CACNB2: variants seen among roughly 807,000 people sequenced by gnomAD.
CACNB2 encodes the protein voltage-dependent L-type calcium channel subunit beta-2.
A neutral mutation model predicts 73.3 loss-of-function variants in CACNB2; 42 were observed. That is an observed-to-expected ratio of 0.57 (90% CI 0.45 to 0.74). The LOEUF (loss-of-function observed/expected upper bound fraction) is 0.74. CACNB2 is among the 30% of genes least tolerant of loss of function. The probability of loss-of-function intolerance (pLI) is 0.00; values close to 1 mark genes in which losing one functional copy is unlikely to be tolerated. For synonymous variants in CACNB2, 348 were observed against 310.3 expected (o/e 1.12, Z -1.28); for missense variants, 940 against 853.0 (o/e 1.10, Z -1.27).
chr10:18,532,330 AAT>A (rs1369699257), intron 10 of CACNB2, among the ~76,000 whole-genome samples: 2 of 152,136 alleles, frequency 1.3e-5, no homozygotes, highest in Non-Finnish European at 2.9e-5. Flanking sequence ...TAATATAAAT[AAT>A]ATCCATATAT....
At chr10:18,181,929 C>G (rs987281814) in intron 2 of CACNB2, 1 of 152,000 alleles carries the variant, frequency 6.6e-6, no homozygotes, top group South Asian at 2.1e-4. Context: ...GCCTTGAGGT[C>G]AACTTTAAAC....
chr10:18,164,450 A>G (rs1041532974), intron 2 of CACNB2, among the ~76,000 whole-genome samples: 2 of 152,080 alleles, frequency 1.3e-5, no homozygotes, highest in Non-Finnish European at 2.9e-5. Context: ...ATGAGTAATT[A>G]CCCTCTTTTG....
At chr10:18,197,161 G>A (rs1173993248) in intron 2 of CACNB2, among the ~76,000 whole-genome samples, 3 of 152,090 alleles carry the variant, frequency 2.0e-5, no homozygotes, top group African/African-American at 7.2e-5. Context: ...CTCTTTGATG[G>A]CAGGCCTGTG....
intron 13 of CACNB2, among the ~76,000 whole-genome samples, 190 bp downstream of exon 13, chr10:18,538,555 A>G (rs555293497): frequency 1.3e-5 from 2 of 152,260 alleles, no homozygotes; most frequent in African/African-American, 4.8e-5. Flanking sequence ...TATATTGGGA[A>G]CATACACAGA....
chr10:18,348,379 G>A (rs2132118364), intron 2 of CACNB2, among the ~76,000 whole-genome samples: 1 of 152,312 alleles, frequency 6.6e-6, no homozygotes, highest in African/African-American at 2.4e-5. Flanking sequence ...AGATACATAT[G>A]TTTGGCACTG....
chr10:18,532,737 C>T (rs1356247935), intron 10 of CACNB2, among the ~76,000 whole-genome samples: 1 of 149,750 alleles, frequency 6.7e-6, no homozygotes, highest in African/African-American at 2.5e-5. Flanking sequence ...CAAAAAAACC[C>T]ACATATTAAA....
intron 3 of CACNB2, among the ~76,000 whole-genome samples, chr10:18,457,239 C>A (rs934349469): frequency 6.6e-6 from 1 of 152,048 alleles, no homozygotes; most frequent in Non-Finnish European, 1.5e-5. Context: ...TACAGACATG[C>A]GCCACCACAA....
At chr10:18,511,549 T>C (rs897224322) in intron 6 of CACNB2, among the ~76,000 whole-genome samples, 1 of 152,238 alleles carries the variant, frequency 6.6e-6, no homozygotes, top group African/African-American at 2.4e-5. Context: ...TTGTCTGTTA[T>C]TTCAAACTGG....
At chr10:18,423,034 A>G (rs1050862427) in intron 3 of CACNB2, among the ~76,000 whole-genome samples, 1 of 152,224 alleles carries the variant, frequency 6.6e-6, no homozygotes, top group Non-Finnish European at 1.5e-5. Flanking sequence ...GAGGCATAAT[A>G]AATATGTGTG....
intron 2 of CACNB2, among the ~76,000 whole-genome samples, chr10:18,290,804 A>G (rs976544225): frequency 6.6e-6 from 1 of 152,248 alleles, no homozygotes; most frequent in African/African-American, 2.4e-5. Flanking sequence ...ATCCGATTTC[A>G]TCAACTCACA....
intron 9 of CACNB2, among the ~76,000 whole-genome samples, chr10:18,521,679 T>A (rs1337887371): frequency 6.6e-6 from 1 of 152,216 alleles, no homozygotes; most frequent in Non-Finnish European, 1.5e-5. Context: ...ATGGGTGCCA[T>A]CATTGAATGT....
At chr10:18,358,621 C>T (rs2042027731) in intron 2 of CACNB2, among the ~76,000 whole-genome samples, 2 of 148,200 alleles carry the variant, frequency 1.3e-5, no homozygotes, top group African/African-American at 2.5e-5. Flanking sequence ...TATACAGGTA[C>T]AAGGTGGCTG....
Position 18,205,001 on chromosome 10 carries a change from C to T in CACNB2, c.213+54026C>T, listed in dbSNP as rs1310673186. ...GAAAAAAAAAAAAAAAAAGGTCTGG[C>T]TTTCATGCCCAAGACTCTATATTCC... On this transcript the variant is annotated intron_variant, in intron 2 of 13. Coordinates refer to ENST00000324631, the MANE Select transcript of CACNB2 (RefSeq NM_201596.3). 3.4e-5 allele frequency among the ~76,000 whole-genome samples: 5 copies of T among 146,090 alleles called. No individual in the cohort carries two copies. In the East Asian group the frequency reaches 7.9e-4, roughly 23 times the overall value.
intron 3 of CACNB2, among the ~76,000 whole-genome samples, chr10:18,409,683 T>C (rs1321172127): frequency 1.3e-5 from 2 of 152,142 alleles, no homozygotes; most frequent in African/African-American, 4.8e-5. Context: ...CAGGTCATCT[T>C]GTATAGGGTA....
intron 2 of CACNB2, among the ~76,000 whole-genome samples, chr10:18,372,380 A>G (rs1050479356): frequency 1.3e-5 from 2 of 152,064 alleles, no homozygotes; most frequent in Non-Finnish European, 2.9e-5. Flanking sequence ...TAGTTTTTGT[A>G]TAAGGTATAA....
chr10:18,483,595 A>T (rs2048904803), intron 3 of CACNB2, among the ~76,000 whole-genome samples: 1 of 152,140 alleles, frequency 6.6e-6, no homozygotes, highest in Non-Finnish European at 1.5e-5. Context: ...ATGATGAAAT[A>T]AAATCGCTGA....
chr10:18,233,638 C>T lies in CACNB2; in HGVS notation c.213+82663C>T, dbSNP rs564285590. The stretch of plus-strand genomic sequence containing the variant: ...CAGCACTTTGAACATCTTTGTTGTT[C>T]GAAGAGCCAAGCAAATATTGAATAT... On this transcript the variant is annotated intron_variant, in intron 2 of 13. Coordinates refer to ENST00000324631, the MANE Select transcript of CACNB2 (RefSeq NM_201596.3). Among the ~76,000 whole-genome samples, 18 of 152,098 alleles carry T rather than the reference C, an allele frequency of 1.2e-4. No individual in the cohort carries two copies. The East Asian group carries it at 2.3e-3, about 20-fold the overall frequency.
At chr10:18,347,071 C>G (rs1383990506) in intron 2 of CACNB2, among the ~76,000 whole-genome samples, 1 of 152,186 alleles carries the variant, frequency 6.6e-6, no homozygotes, top group Non-Finnish European at 1.5e-5. Context: ...CTGTTCTGTG[C>G]CGCCTAGTCT....
chr10:18,524,309 A>C (rs1230016574), intron 9 of CACNB2, among the ~76,000 whole-genome samples: 1 of 152,026 alleles, frequency 6.6e-6, no homozygotes, highest in African/African-American at 2.4e-5. Context: ...GAATTGCTAC[A>C]GGGATAAATA....
Sources: allele counts gnomAD v4.1 joint callset (sites outside exome capture counted in the v4.1 genomes callset), GRCh38; gene constraint gnomAD v4.1.1; transcripts MANE v1.5; gene names NCBI Gene and HGNC (gene_info 2026-07-23, HGNC 2026-07-21).